The following DGKI variants were observed in gnomAD, a reference collection of about 807,000 sequenced individuals.
The protein encoded by DGKI is DAG kinase iota.
Under a neutral mutation model 147.5 loss-of-function variants are expected in DGKI, and 55 were observed. That is an observed-to-expected ratio of 0.37 (90% CI 0.30 to 0.47). DGKI has a LOEUF of 0.47. Among genes scored for constraint, DGKI ranks in the 20% least tolerant of loss-of-function variants. The pLI is 1.00. For synonymous variants in DGKI, 469 were observed against 477.1 expected (o/e 0.98, Z 0.22); for missense variants, 1,007 against 1,323.8 (o/e 0.76, Z 3.71).
Position 137,389,297 on chromosome 7 carries a change from C to T in DGKI, c.*1923G>A, listed in dbSNP as rs142473646. On this transcript the variant is annotated 3_prime_UTR_variant, in exon 33 of 33. Transcript: ENST00000614521. ...GAGGCTGATATATGGAAGTAGATTA[C>T]TCACAACCCAATCCATCCTCCCACC... 1 of 152,126 alleles carries T rather than the reference C, an allele frequency of 6.6e-6. No homozygotes were observed. Among genetic ancestry groups the T allele is most frequent in the African/African-American group, 2.4e-5 (1 of 41,422 alleles). 9.4% of individuals were successfully genotyped at this position (152,126 alleles called of 1,614,324 possible).
chr7:137,785,493 CA>C (rs962810515), intron 1 of DGKI, among the ~76,000 whole-genome samples: 18 of 144,748 alleles, frequency 1.2e-4, no homozygotes, highest in South Asian at 6.5e-4. Context: ...AAATTGCCAA[CA>C]AAAAAAAAAG....
intron 18 of DGKI, 113 bp downstream of exon 18, chr7:137,572,652 C>T: frequency 1.5e-6 from 1 of 679,530 alleles, no homozygotes; most frequent in Non-Finnish European, 2.5e-6. Context: ...TTTAATTACC[C>T]ATTTAGATAA....
chr7:137,509,611 G>GA (rs1317772550), intron 21 of DGKI, among the ~76,000 whole-genome samples: 4 of 152,166 alleles, frequency 2.6e-5, no homozygotes, highest in Non-Finnish European at 5.9e-5. Flanking sequence ...GAGAGACTGT[G>GA]AAAATAATGT....
intron 19 of DGKI, among the ~76,000 whole-genome samples, chr7:137,561,391 G>A (rs1818414887): frequency 6.6e-6 from 1 of 152,088 alleles, no homozygotes; most frequent in Admixed American, 6.6e-5. Context: ...GTAAAAAGTA[G>A]AACAGAGGAT....
intron 3 of DGKI, among the ~76,000 whole-genome samples, chr7:137,665,144 G>A (rs1341301026): frequency 1.3e-5 from 2 of 152,202 alleles, no homozygotes; most frequent in African/African-American, 2.4e-5. Context: ...GCAGGTCGTG[G>A]TTAAGACACT....
chr7:137,696,461 T>TTTTTTTTTTTTTTTTG (rs1554459920), intron 1 of DGKI, among the ~76,000 whole-genome samples: 1 of 109,074 alleles, frequency 9.2e-6, no homozygotes, highest in Non-Finnish European at 1.9e-5. Context: ...TTTTTTTTTT[T>TTTTTTTTTTTTTTTTG]TTGCTTAATG....
intron 1 of DGKI, chr7:137,722,587 A>G: frequency 1.3e-6 from 2 of 1,576,510 alleles, no homozygotes; most frequent in Non-Finnish European, 1.7e-6. Context: ...CTCAACCAAA[A>G]TCGATATCAG....
At chr7:137,663,209 G>A (rs1341640834) in intron 3 of DGKI, among the ~76,000 whole-genome samples, 1 of 152,198 alleles carries the variant, frequency 6.6e-6, no homozygotes, top group African/African-American at 2.4e-5. Context: ...ACAGGAGGAA[G>A]CTTCTGTCCT....
intron 20 of DGKI, among the ~76,000 whole-genome samples, chr7:137,546,501 C>T (rs1817871965): frequency 6.6e-6 from 1 of 152,134 alleles, no homozygotes; most frequent in Admixed American, 6.5e-5. Flanking sequence ...TTCAGTTAAA[C>T]AACAAAGGCT....
At chr7:137,807,425 C>A (rs113568615) in intron 1 of DGKI, among the ~76,000 whole-genome samples, 1 of 152,208 alleles carries the variant, frequency 6.6e-6, no homozygotes, top group African/African-American at 2.4e-5. Flanking sequence ...CGAGCTACCT[C>A]GTTTCTGCAG....
chr7:137,555,029 G>T (rs1735391640), intron 19 of DGKI, among the ~76,000 whole-genome samples: 1 of 143,316 alleles, frequency 7.0e-6, no homozygotes, highest in Non-Finnish European at 1.5e-5. Context: ...TGATTCCCCT[G>T]CCTCAGCCCC....
In DGKI at chr7:137,465,911, G is replaced by A. The variant is rs369341505; in HGVS notation, c.2609C>T (p.Ser870Leu). 7 of 1,613,732 alleles carry A rather than the reference G, an allele frequency of 4.3e-6. No individual in the cohort carries two copies. The highest frequency in any genetic ancestry group is 2.7e-5 in the African/African-American group (2 of 75,032). The stretch of plus-strand genomic sequence containing the variant: ...AGGCCAGGAGAAGCACACTCACCCC[G>A]AGGCTTGTTCCACCACCAGGTCAGG... ...GMPDLVVEQA[S>L]GISDWWNPAL... The change falls in exon 26 of 33, where the codon TCG becomes TTG. Residue 870 changes from serine (S) to leucine (L), a missense_variant. By Grantham distance (145) the Ser-to-Leu change is moderately radical. Coordinates refer to ENST00000614521, the MANE Select transcript of DGKI (RefSeq NM_001321708.2).
chr7:137,692,864 A>G (rs1225398663), intron 1 of DGKI, among the ~76,000 whole-genome samples: 1 of 152,138 alleles, frequency 6.6e-6, no homozygotes, highest in Non-Finnish European at 1.5e-5. Flanking sequence ...TAATTAGGAG[A>G]AAAAAATAAG....
At chr7:137,670,061 C>T (rs1362921089) in intron 3 of DGKI, among the ~76,000 whole-genome samples, 4 of 152,198 alleles carry the variant, frequency 2.6e-5, no homozygotes, top group Admixed American at 2.6e-4. Context: ...TTGAGCTTCA[C>T]AGGACCTATT....
intron 21 of DGKI, among the ~76,000 whole-genome samples, chr7:137,510,137 T>C (rs1017665854): frequency 6.6e-6 from 1 of 152,222 alleles, no homozygotes; most frequent in African/African-American, 2.4e-5. Context: ...ACTTCTCTTC[T>C]AATACATAGT....
intron 1 of DGKI, among the ~76,000 whole-genome samples, chr7:137,694,640 C>T (rs1823724586): frequency 6.6e-6 from 1 of 152,194 alleles, no homozygotes; most frequent in Non-Finnish European, 1.5e-5. Flanking sequence ...AGAAAAGGAA[C>T]CAGCTGTCTA....
chr7:137,561,125 C>G (rs1248618929), intron 19 of DGKI, among the ~76,000 whole-genome samples: 1 of 151,962 alleles, frequency 6.6e-6, no homozygotes, highest in Non-Finnish European at 1.5e-5. Context: ...ATCTGTAACC[C>G]CCATGTTTAT....
intron 3 of DGKI, among the ~76,000 whole-genome samples, chr7:137,672,901 C>T (rs1335789310): frequency 1.3e-5 from 2 of 151,546 alleles, no homozygotes; most frequent in Non-Finnish European, 2.9e-5. Flanking sequence ...CTGCCTCAGC[C>T]TCCTGTAATG....
At chr7:137,501,189 C>G (rs949688872) in intron 21 of DGKI, among the ~76,000 whole-genome samples, 1 of 152,036 alleles carries the variant, frequency 6.6e-6, no homozygotes, top group Non-Finnish European at 1.5e-5. Context: ...TTGCTGCAAA[C>G]GACAGAATTT....
Sources: gnomAD v4.1 joint callset for allele counts (sites outside exome capture counted in the v4.1 genomes callset) on GRCh38, gnomAD v4.1.1 for gene constraint, MANE v1.5 for transcripts, NCBI Gene and HGNC (gene_info 2026-07-23, HGNC 2026-07-21) for gene names.